The following RASSF3 variants were observed in gnomAD, a reference collection of about 807,000 sequenced individuals.
RASSF3 encodes the protein ras association domain-containing protein 3.
In RASSF3, 19 loss-of-function variants were observed where a neutral mutation model predicts 19.9. The observed-to-expected ratio is 0.96, with a 90% CI of 0.67 to 1.40. The LOEUF (loss-of-function observed/expected upper bound fraction) is 1.40. RASSF3 is among the 40% of genes most tolerant of loss of function. The pLI, the probability that RASSF3 is intolerant of heterozygous loss-of-function variation, is 0.00. For synonymous variants in RASSF3, 110 were observed against 104.2 expected, an observed-to-expected ratio of 1.06 and a Z score of -0.34; for missense variants, 306 against 289.8, an observed-to-expected ratio of 1.06 and a Z score of -0.41.
chr12:64,515,264 C>T (rs1163371954), intron 1 of RASSF3, among the ~76,000 whole-genome samples: 1 of 152,060 alleles, frequency 6.6e-6, no homozygotes, highest in Non-Finnish European at 1.5e-5. Context: ...ACCATGTTGG[C>T]CAGGCTGATC....
intron 2 of RASSF3, among the ~76,000 whole-genome samples, chr12:64,595,678 A>G (rs1308474586): frequency 6.6e-6 from 1 of 152,148 alleles, no homozygotes; most frequent in African/African-American, 2.4e-5. Context: ...TACCCACATC[A>G]CAGGAACCTT....
intron 2 of RASSF3, among the ~76,000 whole-genome samples, chr12:64,592,088 A>C (rs1261514428): frequency 6.6e-6 from 1 of 152,120 alleles, no homozygotes; most frequent in African/African-American, 2.4e-5. Context: ...TTTTGTAAAG[A>C]GGAGGTTTCA....
In RASSF3 at chr12:64,580,959, T is replaced by G. The variant is rs146892346; in HGVS notation, c.294+39254T>G. Among the ~76,000 whole-genome samples, 162 of 152,094 alleles carry G rather than the reference T, an allele frequency of 1.1e-3. 1 individual carries two copies. Among genetic ancestry groups the G allele is most frequent in the African/African-American group, 3.6e-3 (150 of 41,500 alleles). On this transcript the variant is annotated intron_variant, in intron 2 of 5. Coordinates refer to the RASSF3 transcript ENST00000637125. ...ACCAGGGGTTAAGACTTCATATCTT[T>G]TGGGGGTAGGGATTCAACTCATTCA...
chr12:64,507,186 G>T, exon 1 of RASSF3: 1 of 398,608 alleles, frequency 2.5e-6, no homozygotes, highest in South Asian at 1.3e-4. Flanking sequence ...AGTCATTCTG[G>T]AACACTCCTG....
chr12:64,630,606 C>G (rs1871141121), intron 1 of RASSF3, among the ~76,000 whole-genome samples: 2 of 152,080 alleles, frequency 1.3e-5, no homozygotes, highest in Non-Finnish European at 2.9e-5. Flanking sequence ...TGATCATATG[C>G]CTACTCAGGA....
At chr12:64,678,214 T>A (rs1018005466) in intron 1 of RASSF3, among the ~76,000 whole-genome samples, 2 of 152,254 alleles carry the variant, frequency 1.3e-5, no homozygotes, top group African/African-American at 4.8e-5. Flanking sequence ...AGGTGCTTGA[T>A]GTTTTGCTCT....
At position 64,688,372 on chromosome 12, in the gene RASSF3, G is replaced by A. The variant is rs774662298; in HGVS notation, c.376G>A (p.Glu126Lys). ...SSTNTVGEVI[E>K]ALLKKFLVTE... is the part of the protein sequence containing the mutation. The stretch of plus-strand genomic sequence containing the variant: ...CACAAACACTGTCGGGGAAGTGATC[G>A]AGGCCCTGCTCAAAAAGTTTCTCGT... Residue 126 changes from glutamate (E) to lysine (K), a missense_variant, in exon 3 of 5, where the codon GAG becomes AAG. By Grantham distance (56) the Glu-to-Lys change is moderately conservative. Transcript: ENST00000542104. The A allele has an allele frequency of 1.1e-5, 18 of 1,614,082 alleles. No individual in the cohort carries two copies. The Admixed American group carries it at 2.5e-4, about 22-fold the overall frequency.
chr12:64,685,643 C>T (rs1359061808), intron 2 of RASSF3, among the ~76,000 whole-genome samples: 2 of 152,132 alleles, frequency 1.3e-5, no homozygotes, highest in African/African-American at 4.8e-5. Context: ...CTCTGCCGGT[C>T]GTTAGTGTAA....
chr12:64,637,053 A>G (rs970899274), intron 1 of RASSF3, among the ~76,000 whole-genome samples: 1 of 152,132 alleles, frequency 6.6e-6, no homozygotes, highest in African/African-American at 2.4e-5. Context: ...GACCAATATA[A>G]TATGATGCAA....
At chr12:64,525,418 T>C (rs1868563646) in intron 1 of RASSF3, among the ~76,000 whole-genome samples, 1 of 152,234 alleles carries the variant, frequency 6.6e-6, no homozygotes, top group Non-Finnish European at 1.5e-5. Context: ...AGAAGACTGC[T>C]TCCTTCTTTT....
chr12:64,621,899 C>T (rs1015045534), intron 1 of RASSF3, among the ~76,000 whole-genome samples: 8 of 152,208 alleles, frequency 5.3e-5, no homozygotes, highest in African/African-American at 1.9e-4. Flanking sequence ...TAAATAAACC[C>T]GTGGGATTCA....
At chr12:64,550,328 G>A (rs552821691) in intron 2 of RASSF3, among the ~76,000 whole-genome samples, 14 of 152,116 alleles carry the variant, frequency 9.2e-5, no homozygotes, top group Admixed American at 7.9e-4. Flanking sequence ...GGGAGAGGAG[G>A]AGAGGAGAGG....
intron 2 of RASSF3, among the ~76,000 whole-genome samples, chr12:64,603,784 A>G (rs1870136384): frequency 1.3e-5 from 2 of 152,206 alleles, no homozygotes; most frequent in African/African-American, 2.4e-5. Flanking sequence ...ACCAGTTTAG[A>G]TAATATGCTG....
chr12:64,671,122 C>A (rs914877314), intron 1 of RASSF3, among the ~76,000 whole-genome samples: 1 of 152,152 alleles, frequency 6.6e-6, no homozygotes, highest in Non-Finnish European at 1.5e-5. Flanking sequence ...TCTCCCTTTG[C>A]CCCATCCCAA....
In RASSF3 at chr12:64,688,238, G is replaced by A; in HGVS notation, c.242G>A (p.Gly81Asp). Reference sequence around the variant, plus strand: ...CAGAATTCAAATGGGATTTACACTGGCTTCATTAAAGTACAGATGGAACTC... The same window carrying A: ...CAGAATTCAAATGGGATTTACACTGACTTCATTAAAGTACAGATGGAACTC... ...MTLNSNGIYTGFIKVQMELCK... is the reference protein window; with the variant it reads ...MTLNSNGIYTDFIKVQMELCK... Residue 81 changes from glycine (G) to aspartate (D), a missense_variant, in exon 3 of 5, where the codon GGC becomes GAC. By Grantham distance (94) the Gly-to-Asp change is moderately conservative. Coordinates refer to ENST00000542104, the MANE Select transcript of RASSF3 (RefSeq NM_178169.4). 1.9e-6 allele frequency: 3 copies of A among 1,613,898 alleles called. No individual in the cohort carries two copies. Among genetic ancestry groups the A allele is most frequent in the Non-Finnish European group, 2.5e-6 (3 of 1,179,812 alleles).
chr12:64,541,145 C>G, intron 1 of RASSF3, among the ~76,000 whole-genome samples: 1 of 150,728 alleles, frequency 6.6e-6, no homozygotes, highest in Non-Finnish European at 1.5e-5. Context: ...ACCACCACAT[C>G]TGGCTGATTT....
At chr12:64,660,453 C>A (rs17100526) in intron 1 of RASSF3, among the ~76,000 whole-genome samples, 1,885 of 152,172 alleles carry the variant, frequency 0.012, 39 homozygotes, top group African/African-American at 0.044. Context: ...CTGTATTGCC[C>A]AGTATTTATG....
chr12:64,611,504 G>A (rs1870363558), intron 1 of RASSF3: 1 of 152,274 alleles, frequency 6.6e-6, no homozygotes, highest in South Asian at 2.1e-4. Flanking sequence ...GCCAGCTGTA[G>A]CCGTGTTTTT....
chr12:64,631,398 G>T (rs1871160016), intron 1 of RASSF3, among the ~76,000 whole-genome samples: 1 of 152,126 alleles, frequency 6.6e-6, no homozygotes, highest in Admixed American at 6.5e-5. Flanking sequence ...AGTGGGTGGT[G>T]AGTGAATAGT....
Sources: allele counts gnomAD v4.1 joint callset (sites outside exome capture counted in the v4.1 genomes callset), GRCh38; gene constraint gnomAD v4.1.1; transcripts MANE v1.5; gene names NCBI Gene and HGNC (gene_info 2026-07-23, HGNC 2026-07-21).